Variants in NKAIN2 observed in about 807,000 individuals in gnomAD.
The protein encoded by NKAIN2 is sodium/potassium transporting ATPase interacting 2.
NKAIN2 carries 14 observed loss-of-function variants against 32.6 expected under a neutral mutation model. That is an observed-to-expected ratio of 0.43 (90% CI 0.28 to 0.67). The LOEUF (loss-of-function observed/expected upper bound fraction) is 0.67. Among genes scored for constraint, NKAIN2 ranks in the 30% least tolerant of loss-of-function variants. The pLI, the probability that NKAIN2 is intolerant of heterozygous loss-of-function variation, is 0.17. For synonymous variants in NKAIN2, 80 were observed against 87.2 expected, an observed-to-expected ratio of 0.92 and a Z score of 0.46; for missense variants, 198 against 258.3, an observed-to-expected ratio of 0.77 and a Z score of 1.60.
chr6:124,185,623 T>C (rs1463291458), intron 1 of NKAIN2, among the ~76,000 whole-genome samples: 1 of 152,172 alleles, frequency 6.6e-6, no homozygotes, highest in Non-Finnish European at 1.5e-5. Flanking sequence ...TCCAAGAAAG[T>C]AGAAGTCCTC....
rs756332563 is a variant in NKAIN2, at chr6:123,969,407, A to G, written c.54+165153A>G. 8.7e-4 allele frequency among the ~76,000 whole-genome samples: 132 copies of G among 152,218 alleles called. 4 individuals are homozygous for G. The highest frequency in any genetic ancestry group is 2.2e-4 in the Non-Finnish European group (15 of 68,040). On this transcript the variant is annotated intron_variant, in intron 1 of 6. Transcript: ENST00000368417. ...ATGGCTGCGGTTTAACAATGCATCC[A>G]GCTGAAGAATAAATCTACCTCTGCT...
At chr6:124,501,126 T>C (rs551426392) in intron 3 of NKAIN2, among the ~76,000 whole-genome samples, 1 of 151,636 alleles carries the variant, frequency 6.6e-6, no homozygotes, top group African/African-American at 2.4e-5. Context: ...AATGTAGGAG[T>C]CATGGGAGTC....
intron 1 of NKAIN2, among the ~76,000 whole-genome samples, chr6:124,199,386 C>T (rs1487972084): frequency 6.6e-6 from 1 of 152,266 alleles, no homozygotes; most frequent in East Asian, 1.9e-4. Context: ...GTAGATTTCT[C>T]CTCTGGAATG....
At chr6:124,056,845 G>T (rs1240815063) in intron 1 of NKAIN2, among the ~76,000 whole-genome samples, 2 of 152,012 alleles carry the variant, frequency 1.3e-5, no homozygotes, top group Admixed American at 6.6e-5. Context: ...TGATGAGGTG[G>T]ACACAAGTAA....
At chr6:124,468,461 G>T (rs1368178897) in intron 3 of NKAIN2, among the ~76,000 whole-genome samples, 3 of 152,012 alleles carry the variant, frequency 2.0e-5, no homozygotes, top group Non-Finnish European at 2.9e-5. Flanking sequence ...TGTTCCACAG[G>T]TACAGTTCTC....
chr6:124,471,981 G>A (rs1380429599), intron 3 of NKAIN2, among the ~76,000 whole-genome samples: 1 of 148,254 alleles, frequency 6.7e-6, no homozygotes, highest in Non-Finnish European at 1.5e-5. Context: ...AGTTATTAAA[G>A]TATGTTTTTT....
chr6:124,114,412 T>C (rs1262871271), intron 1 of NKAIN2, among the ~76,000 whole-genome samples: 2 of 152,016 alleles, frequency 1.3e-5, no homozygotes, highest in Non-Finnish European at 2.9e-5. Context: ...AAAAGGAATA[T>C]AAAAAATTCA....
chr6:124,393,259 A>G (rs932892796), intron 3 of NKAIN2, among the ~76,000 whole-genome samples: 1 of 152,172 alleles, frequency 6.6e-6, no homozygotes, highest in African/African-American at 2.4e-5. Context: ...AGAGATATTC[A>G]TTAGCATCAT....
intron 1 of NKAIN2, among the ~76,000 whole-genome samples, chr6:124,254,269 A>G (rs1453887191): frequency 6.6e-6 from 1 of 152,192 alleles, no homozygotes; most frequent in African/African-American, 2.4e-5. Context: ...TCTACTTTCA[A>G]TTGAAGTAAT....
At chr6:124,354,430 C>T (rs1798875871) in intron 2 of NKAIN2, among the ~76,000 whole-genome samples, 1 of 151,960 alleles carries the variant, frequency 6.6e-6, no homozygotes, top group Non-Finnish European at 1.5e-5. Flanking sequence ...ATAGAAGGTA[C>T]ACTAGAGAGA....
At chr6:124,304,710 T>C (rs1019062598) in intron 2 of NKAIN2, among the ~76,000 whole-genome samples, 1 of 151,624 alleles carries the variant, frequency 6.6e-6, no homozygotes. Context: ...GGTCAGAAGA[T>C]AGAGACCATT....
chr6:124,368,617 A>G (rs977651699), intron 3 of NKAIN2, among the ~76,000 whole-genome samples: 1 of 152,118 alleles, frequency 6.6e-6, no homozygotes, highest in Non-Finnish European at 1.5e-5. Context: ...GGCACCATGC[A>G]TAGAAAATGT....
rs893828927 is a variant in NKAIN2 at position 124,210,912 on chromosome 6, C to T, written c.55-72093C>T. On this transcript the variant is annotated intron_variant, in intron 1 of 6. Coordinates refer to ENST00000368417, the MANE Select transcript of NKAIN2 (RefSeq NM_001040214.3). ...CAAGGTTAATTTGACTTCCTCCTTTCCAATTTAGATACTCTTTATTTACTT... is the reference window on the plus strand; with the variant it reads ...CAAGGTTAATTTGACTTCCTCCTTTTCAATTTAGATACTCTTTATTTACTT... 4.6e-5 allele frequency among the ~76,000 whole-genome samples: 7 copies of T among 151,674 alleles called. 1 individual carries two copies. Among genetic ancestry groups the T allele is most frequent in the African/African-American group, 1.2e-4 (5 of 41,326 alleles).
In NKAIN2 at chr6:124,498,796, T is replaced by C. The variant is rs531532578; in HGVS notation, c.273+143449T>C. 7.2e-5 allele frequency among the ~76,000 whole-genome samples: 11 copies of C among 152,324 alleles called. No homozygotes were observed. The East Asian group carries it at 9.6e-4, about 13-fold the overall frequency. On this transcript the variant is annotated intron_variant, in intron 3 of 6. Transcript: ENST00000368417. ...ACATCAGTGGGTAGTATTTTGAATA[T>C]ATTTGGTAATTAATAAACATTTTAA... is the stretch of plus-strand genomic sequence containing the variant.
intron 3 of NKAIN2, among the ~76,000 whole-genome samples, chr6:124,610,508 G>T (rs1583515891): frequency 6.6e-6 from 1 of 152,118 alleles, no homozygotes; most frequent in Non-Finnish European, 1.5e-5. Flanking sequence ...GTCTATGCTG[G>T]TTAATATATT....
intron 5 of NKAIN2, 83 bp from the exon 6 acceptor site, chr6:124,818,304 G>C: frequency 2.9e-5 from 17 of 585,786 alleles, no homozygotes; most frequent in Non-Finnish European, 4.6e-5. Context: ...ACTAATAAAA[G>C]GTTTATTAGT....
intron 5 of NKAIN2, among the ~76,000 whole-genome samples, chr6:124,810,357 A>C (rs1189463566): frequency 2.0e-5 from 3 of 152,102 alleles, no homozygotes; most frequent in Admixed American, 2.0e-4. Flanking sequence ...ATTGGAAATC[A>C]TCATTCTCAG....
At chr6:123,825,466 A>G (rs1005769379) in intron 1 of NKAIN2, among the ~76,000 whole-genome samples, 1 of 152,186 alleles carries the variant, frequency 6.6e-6, no homozygotes, top group African/African-American at 2.4e-5. Context: ...TTGGAACACA[A>G]AGATATGTAC....
chr6:123,966,806 A>G (rs1160163032), intron 1 of NKAIN2, among the ~76,000 whole-genome samples: 3 of 152,144 alleles, frequency 2.0e-5, no homozygotes, highest in Non-Finnish European at 2.9e-5. Context: ...TCACTCAACA[A>G]ATACTGTTCA....
Sources: gnomAD v4.1 joint callset for allele counts (sites outside exome capture counted in the v4.1 genomes callset) on GRCh38, gnomAD v4.1.1 for gene constraint, MANE v1.5 for transcripts, NCBI Gene and HGNC (gene_info 2026-07-23, HGNC 2026-07-21) for gene names.